Variants in SLC7A6 observed in about 807,000 individuals in gnomAD.
SLC7A6 encodes Y+L amino acid transporter 2.
SLC7A6 carries 29 observed loss-of-function variants against 46.6 expected under a neutral mutation model. That is an observed-to-expected ratio of 0.62 (90% CI 0.46 to 0.85). The LOEUF is 0.85. SLC7A6 is among the 40% of genes least tolerant of loss of function. SLC7A6 has a pLI of 0.00. For synonymous variants in SLC7A6, 276 were observed against 257.3 expected (o/e 1.07, Z -0.70); for missense variants, 527 against 647.6 (o/e 0.81, Z 2.02).
In SLC7A6 at chr16:68,274,828, G is replaced by C. The variant is rs761703001; in HGVS notation, c.102G>C (p.Arg34Ser). ...AAGATGTCAGCTCGCCACCTCAAAG[G>C]TCCTCCGAAACTATGCAGCTGAAGA... ...VEEDVSSPPQ[R>S]SSETMQLKKE... is the part of the protein sequence containing the mutation. The change falls in exon 3 of 11, where the codon AGG (arginine) becomes AGC (serine). Residue 34 changes from arginine (R) to serine (S), a missense_variant. Coordinates refer to ENST00000219343, the MANE Select transcript of SLC7A6 (RefSeq NM_003983.6). 3 of 1,614,042 alleles carry C rather than the reference G, an allele frequency of 1.9e-6. No homozygotes were observed. Among genetic ancestry groups the C allele is most frequent in the East Asian group, 2.2e-5 (1 of 44,892 alleles).
intron 2 of SLC7A6, among the ~76,000 whole-genome samples, chr16:68,272,426 C>G (rs1245287079): frequency 6.6e-6 from 1 of 152,102 alleles, no homozygotes; most frequent in Non-Finnish European, 1.5e-5. Context: ...GAGACCTTGT[C>G]TCTTGAATAA....
rs1294652783 is a variant in SLC7A6, at chr16:68,298,349, T to C, written c.*1021T>C. 1 of 152,586 alleles carries C rather than the reference T, an allele frequency of 6.6e-6. No individual in the cohort carries two copies. Among genetic ancestry groups the C allele is most frequent in the East Asian group, 1.9e-4 (1 of 5,182 alleles). 9.5% of individuals were successfully genotyped at this position (152,586 alleles called of 1,614,324 possible). On this transcript the variant is annotated 3_prime_UTR_variant, in exon 11 of 11. Transcript: ENST00000219343. ...TTGGAGAACATCTCATGGGCCCAAG[T>C]CATCAAATAACCTGTTCCTCTCTGT...
chr16:68,283,074 T>C (rs1244304567), intron 3 of SLC7A6, among the ~76,000 whole-genome samples: 1 of 152,218 alleles, frequency 6.6e-6, no homozygotes, highest in East Asian at 1.9e-4. Flanking sequence ...ACTGTCAGCG[T>C]AGCTGGGAGT....
intron 3 of SLC7A6, among the ~76,000 whole-genome samples, chr16:68,281,033 G>A (rs959619785): frequency 2.6e-5 from 4 of 152,186 alleles, no homozygotes; most frequent in African/African-American, 7.2e-5. Flanking sequence ...GCGCCCAGCC[G>A]GCTGTGGCTC....
intron 3 of SLC7A6, 107 bp from the exon 4 acceptor site, chr16:68,287,639 C>T: frequency 2.6e-6 from 4 of 1,543,068 alleles, no homozygotes; most frequent in Non-Finnish European, 2.6e-6. Context: ...TCCATTGGCC[C>T]CTTTGCCTTA....
In SLC7A6 at chr16:68,290,405, A is replaced by G; in HGVS notation, c.659A>G (p.Glu220Gly). The G allele has an allele frequency of 1.2e-6, 2 of 1,613,878 alleles. No individual in the cohort carries two copies. The highest frequency in any genetic ancestry group is 1.1e-5 in the South Asian group (1 of 91,068). ...GCCTTTGCCCCCACAGGACACTCTGAGCACTTTCAGGACGCCTTTGAGGGT... is the reference window on the plus strand; with the variant it reads ...GCCTTTGCCCCCACAGGACACTCTGGGCACTTTCAGGACGCCTTTGAGGGT... ...GLVKLCQGHS[E>G]HFQDAFEGSS... Residue 220 changes from glutamate to glycine, a missense_variant, in exon 5 of 11, where the codon GAG (glutamate) becomes GGG (glycine). Glu to Gly is a moderately conservative substitution (Grantham distance 98). Transcript: ENST00000219343.
At chr16:68,276,797 A>G (rs1233453350) in intron 3 of SLC7A6, among the ~76,000 whole-genome samples, 8 of 152,132 alleles carry the variant, frequency 5.3e-5, no homozygotes, top group Non-Finnish European at 1.2e-4. Context: ...CAGGAATTTG[A>G]GACCAACCTG....
At chr16:68,293,378 C>T (rs951150383) in intron 7 of SLC7A6, among the ~76,000 whole-genome samples, 9 of 152,174 alleles carry the variant, frequency 5.9e-5, no homozygotes, top group Non-Finnish European at 1.2e-4. Flanking sequence ...GAGCCGAGAT[C>T]GCGCCATTGA....
intron 8 of SLC7A6, among the ~76,000 whole-genome samples, chr16:68,295,799 G>C (rs1336100035): frequency 1.3e-5 from 2 of 152,178 alleles, no homozygotes. Flanking sequence ...CATTTTGCTA[G>C]TTTCCAGGTC....
chr16:68,294,217 C>T (rs968446345), intron 7 of SLC7A6, among the ~76,000 whole-genome samples: 5 of 152,166 alleles, frequency 3.3e-5, no homozygotes, highest in African/African-American at 2.4e-5. Flanking sequence ...TTTTCCCAGT[C>T]GGTAGAGCTC....
At chr16:68,288,007 G>A (rs1567591399) in intron 4 of SLC7A6, 136 bp downstream of exon 4, 4 of 1,314,140 alleles carry the variant, frequency 3.0e-6, no homozygotes, top group Non-Finnish European at 4.1e-6. Context: ...AGAGATGGGA[G>A]TAGATTTCTT....
At chr16:68,280,890 C>T (rs1351209554) in intron 3 of SLC7A6, among the ~76,000 whole-genome samples, 6 of 152,202 alleles carry the variant, frequency 3.9e-5, no homozygotes, top group South Asian at 2.1e-4. Context: ...CCTGCCACCA[C>T]GCCTGGCTAA....
At chr16:68,282,934 G>A (rs555667330) in intron 3 of SLC7A6, among the ~76,000 whole-genome samples, 1 of 152,194 alleles carries the variant, frequency 6.6e-6, no homozygotes, top group Admixed American at 6.5e-5. Context: ...CCACATTTTT[G>A]TTGTTATTTT....
intron 7 of SLC7A6, 53 bp downstream of exon 7, chr16:68,291,714 G>T: frequency 2.0e-6 from 3 of 1,518,554 alleles, no homozygotes; most frequent in Non-Finnish European, 1.8e-6. Context: ...ATTCTCTGGG[G>T]CTTAGGCATA....
In SLC7A6 at chr16:68,296,287, T is replaced by C. The variant is rs955954883; in HGVS notation, c.1120-77T>C. 5 of 1,549,412 alleles carry C rather than the reference T, an allele frequency of 3.2e-6. No individual in the cohort carries two copies. The Admixed American group carries it at 5.1e-5, about 16-fold the overall frequency. ...GGTGAAGTGGCATCAGATCTAGTAC[T>C]GACTGCTGGGTGGGGGAGTCTCCTG... is the stretch of plus-strand genomic sequence containing the variant. On this transcript the variant is annotated intron_variant, in intron 8 of 10. Coordinates refer to ENST00000219343, the MANE Select transcript of SLC7A6 (RefSeq NM_003983.6).
intron 2 of SLC7A6, among the ~76,000 whole-genome samples, chr16:68,267,930 G>C (rs769196628): frequency 1.3e-5 from 2 of 152,214 alleles, no homozygotes; most frequent in Non-Finnish European, 2.9e-5. Context: ...CAAGAGGCTG[G>C]GGGTTTGGGG....
chr16:68,268,064 A>G (rs1221221474), intron 2 of SLC7A6, among the ~76,000 whole-genome samples: 1 of 152,184 alleles, frequency 6.6e-6, no homozygotes, highest in Non-Finnish European at 1.5e-5. Flanking sequence ...ATCCTTTGTA[A>G]TAGCCTTTAT....
At position 68,291,206 on chromosome 16, in the gene SLC7A6, C is replaced by T. The variant is rs752536623; in HGVS notation, c.795-3C>T. 2 of 1,614,114 alleles carry T rather than the reference C, an allele frequency of 1.2e-6. No individual in the cohort carries two copies. Among genetic ancestry groups the T allele is most frequent in the Non-Finnish European group, 8.5e-7 (1 of 1,180,044 alleles). On this transcript the variant is annotated splice_region_variant and splice_polypyrimidine_tract_variant and intron_variant, in intron 5 of 10. Transcript: ENST00000219343. ...GGTAGTCCTTTCTCACTTGTCCTGA[C>T]AGAAATTTGCCCTTGGCCATTGGGA...
At chr16:68,294,462 G>A (rs1475555522) in intron 7 of SLC7A6, among the ~76,000 whole-genome samples, 2 of 152,126 alleles carry the variant, frequency 1.3e-5, no homozygotes, top group Non-Finnish European at 2.9e-5. Flanking sequence ...GGGTATCTGG[G>A]TGATGGTGGG....
Sources: allele counts gnomAD v4.1 joint callset (sites outside exome capture counted in the v4.1 genomes callset), GRCh38; gene constraint gnomAD v4.1.1; transcripts MANE v1.5; gene names NCBI Gene and HGNC (gene_info 2026-07-23, HGNC 2026-07-21).